Variants in TBCD observed in about 807,000 individuals in gnomAD.
The protein encoded by TBCD is tubulin folding cofactor D.
TBCD carries 105 observed loss-of-function variants against 169.3 expected under a neutral mutation model. The ratio of observed to expected loss-of-function variants is 0.62; its 90% CI spans 0.53 to 0.73. The LOEUF (loss-of-function observed/expected upper bound fraction) is 0.73. Among genes scored for constraint, TBCD ranks in the 30% least tolerant of loss-of-function variants. The probability of loss-of-function intolerance (pLI) is 0.00; values close to 1 mark genes in which losing one functional copy is unlikely to be tolerated. For synonymous variants in TBCD, 700 were observed against 643.9 expected (o/e 1.09, Z -1.32); for missense variants, 1,444 against 1,600.1 (o/e 0.90, Z 1.66).
chr17:82,830,227 C>T (rs2053355328), intron 13 of TBCD: 2 of 1,614,114 alleles, frequency 1.2e-6, no homozygotes, highest in African/African-American at 2.7e-5. Flanking sequence ...CTGGGATTTT[C>T]CAGCATCCCT....
chr17:82,894,220 T>C (rs2059335496), intron 17 of TBCD, among the ~76,000 whole-genome samples: 1 of 112,790 alleles, frequency 8.9e-6, no homozygotes, highest in Non-Finnish European at 1.9e-5. Context: ...TACAGAATTA[T>C]ATCAAACTGT....
In TBCD at chr17:82,789,489, G is replaced by A. The variant is rs1205159592; in HGVS notation, c.771+7768G>A. Among the ~76,000 whole-genome samples, 1 of 152,218 alleles carries A rather than the reference G, an allele frequency of 6.6e-6. No individual in the cohort carries two copies. Among genetic ancestry groups the A allele is most frequent in the Non-Finnish European group, 1.5e-5 (1 of 68,036 alleles). ...CTTAGATGAGGAAGAGACAGGCAGA[G>A]AGCTGGGCTGGGCTGCTGCTGAGTG... On this transcript the variant is annotated intron_variant, in intron 7 of 38. Coordinates refer to ENST00000355528, the MANE Select transcript of TBCD (RefSeq NM_005993.5). The surrounding 1 kb of genome is among the most constrained non-coding windows in gnomAD (Gnocchi z 4.8).
At chr17:82,785,899 G>A (rs965526322) in intron 7 of TBCD, among the ~76,000 whole-genome samples, 17 of 151,758 alleles carry the variant, frequency 1.1e-4, no homozygotes, top group Admixed American at 7.2e-4. Flanking sequence ...CCGACCCATC[G>A]CAGTGGGAGG....
At chr17:82,771,694 C>T (rs1468463756) in intron 5 of TBCD, among the ~76,000 whole-genome samples, 3 of 152,204 alleles carry the variant, frequency 2.0e-5, no homozygotes, top group Non-Finnish European at 4.4e-5. Flanking sequence ...GCTGGGATTA[C>T]AGGCGTGAGC....
intron 7 of TBCD, among the ~76,000 whole-genome samples, chr17:82,783,647 C>T (rs963124273): frequency 1.3e-5 from 2 of 152,186 alleles, no homozygotes; most frequent in Non-Finnish European, 2.9e-5. Flanking sequence ...CCGATGTGTC[C>T]AAGGTTCATC....
At chr17:82,771,047 CAAAAAAAAAAA>C (rs36015818) in intron 5 of TBCD, among the ~76,000 whole-genome samples, 2 of 38,692 alleles carry the variant, frequency 5.2e-5, no homozygotes, top group Non-Finnish European at 1.3e-4. Context: ...GACTCCGTCT[CAAAAAAAAAAA>C]AAAAAAAAAA....
chr17:82,914,938 T>A (rs1315441820), intron 23 of TBCD, among the ~76,000 whole-genome samples: 1 of 152,214 alleles, frequency 6.6e-6, no homozygotes, highest in East Asian at 1.9e-4. Context: ...CATCTCCCAG[T>A]CCCACATTTT....
At position 82,930,550 on chromosome 17, in the gene TBCD, A is replaced by G. The variant is rs141474186; in HGVS notation, c.3020A>G (p.Glu1007Gly). The change falls in exon 33 of 39, where the codon GAG becomes GGG. Residue 1007 changes from glutamate to glycine, a missense_variant. Transcript: ENST00000355528. The surrounding 1 kb of genome is among the most constrained non-coding windows in gnomAD (Gnocchi z 5.2). ...TIRHSTQSLF[E>G]YMKGIQSDPQ... is the part of the protein sequence containing the mutation. ...CGGCACTCCACCCAGAGCCTCTTTG[A>G]GTACATGAAGGGCATTCAGAGCGAC... The G allele has an allele frequency of 6.2e-7, 1 of 1,613,630 alleles. No individual in the cohort carries two copies. The highest frequency in any genetic ancestry group is 2.2e-5 in the East Asian group (1 of 44,852).
rs1418263600 is a variant in TBCD, at chr17:82,833,877, T to G, written c.1318+18943T>G. Reference sequence around the variant, plus strand: ...CTTTTGGATTCTTCCAGAGGGTCTCTGTGTCCCCCTTACCAGCCTCAGGTT... The same window carrying G: ...CTTTTGGATTCTTCCAGAGGGTCTCGGTGTCCCCCTTACCAGCCTCAGGTT... On this transcript the variant is annotated intron_variant, in intron 13 of 38. Coordinates refer to ENST00000355528, the MANE Select transcript of TBCD (RefSeq NM_005993.5). This position sits in a 1 kb window ranked among gnomAD's most constrained non-coding sequence, Gnocchi z 4.7. Among the ~76,000 whole-genome samples the G allele has an allele frequency of 6.6e-6, 1 of 152,158 alleles. No homozygotes were observed. The highest frequency in any genetic ancestry group is 1.5e-5 in the Non-Finnish European group (1 of 68,028).
rs534196892 is a variant in TBCD, at chr17:82,820,067, C to G, written c.1318+5133C>G. Among the ~76,000 whole-genome samples the G allele has an allele frequency of 2.0e-5, 3 of 151,882 alleles. No individual in the cohort carries two copies. In the South Asian group the frequency reaches 6.2e-4, roughly 32 times the overall value. On this transcript the variant is annotated intron_variant, in intron 13 of 38. Coordinates refer to ENST00000355528, the MANE Select transcript of TBCD (RefSeq NM_005993.5). Reference sequence around the variant, plus strand: ...CCTCTTGGCTCACTGCCAGCTCCATCTCCCAGGTTCAAGTGATTCTCATGA... The same window carrying G: ...CCTCTTGGCTCACTGCCAGCTCCATGTCCCAGGTTCAAGTGATTCTCATGA...
At position 82,752,339 on chromosome 17, in the gene TBCD, G is replaced by C. The variant is rs924349931; in HGVS notation, c.146G>C (p.Gly49Ala). 1 of 1,413,906 alleles carries C rather than the reference G, an allele frequency of 7.1e-7. No individual in the cohort carries two copies. Among genetic ancestry groups the C allele is most frequent in the African/African-American group, 1.5e-5 (1 of 65,754 alleles). The allele number at this position is 1,413,906 out of a possible 1,614,324, so 87.6% of individuals were successfully genotyped here. Residue 49 changes from glycine to alanine, a missense_variant, in exon 1 of 39, where the codon GGC (glycine) becomes GCC (alanine). Physicochemically the swap from Gly to Ala is moderately conservative, Grantham distance 60. Coordinates refer to ENST00000355528, the MANE Select transcript of TBCD (RefSeq NM_005993.5). ...GGCCGCCTGCGGGAGGTGCACGGCG[G>C]CGGCGCGGAGCGCGAGGTGGCCCTG... ...LLGRLREVHG[G>A]GAEREVALER...
In TBCD at chr17:82,890,056, C is replaced by T. The variant is rs373187415; in HGVS notation, c.1563+359C>T. On this transcript the variant is annotated intron_variant, in intron 16 of 38. Transcript: ENST00000355528. This position sits in a 1 kb window ranked among gnomAD's most constrained non-coding sequence, Gnocchi z 5.3. ...ACAGAGCAGGAGCTGGCTCTGTTGA[C>T]GTCAGCTTGTGCCTCATCCAGACCA... Among the ~76,000 whole-genome samples the T allele has an allele frequency of 2.0e-5, 3 of 152,202 alleles. No individual in the cohort carries two copies. Among genetic ancestry groups the T allele is most frequent in the Non-Finnish European group, 2.9e-5 (2 of 68,048 alleles).
rs564925476 is a variant in TBCD at position 82,869,310 on chromosome 17, A to T, written c.1319-914A>T. On this transcript the variant is annotated intron_variant, in intron 13 of 38. Coordinates refer to ENST00000355528, the MANE Select transcript of TBCD (RefSeq NM_005993.5). Reference sequence around the variant, plus strand: ...CACGTCCTAAAATCCTCTCATGTCTATGTAAAAAATCGGGTAGCCTGGGTA... The same window carrying T: ...CACGTCCTAAAATCCTCTCATGTCTTTGTAAAAAATCGGGTAGCCTGGGTA... Among the ~76,000 whole-genome samples the T allele has an allele frequency of 4.6e-5, 7 of 152,292 alleles. No individual in the cohort carries two copies. The East Asian group carries it at 1.4e-3, about 29-fold the overall frequency.
chr17:82,923,459 C>A lies in TBCD; in HGVS notation c.2179-193C>A, dbSNP rs1318176230. Among the ~76,000 whole-genome samples the A allele has an allele frequency of 6.6e-6, 1 of 151,804 alleles. No individual in the cohort carries two copies. Among genetic ancestry groups the A allele is most frequent in the African/African-American group, 2.4e-5 (1 of 41,314 alleles). Reference sequence around the variant, plus strand: ...GACCTCAAGGGTGACCTGCTGTGTCCTTGGCCGGGTGCTTCTCCAACCTCA... The same window carrying A: ...GACCTCAAGGGTGACCTGCTGTGTCATTGGCCGGGTGCTTCTCCAACCTCA... On this transcript the variant is annotated intron_variant, in intron 25 of 38. Coordinates refer to ENST00000355528, the MANE Select transcript of TBCD (RefSeq NM_005993.5). This position sits in a 1 kb window ranked among gnomAD's most constrained non-coding sequence, Gnocchi z 4.6.
intron 5 of TBCD, 28 bp downstream of exon 5, chr17:82,768,594 T>C: frequency 6.2e-7 from 1 of 1,609,054 alleles, no homozygotes; most frequent in Non-Finnish European, 8.5e-7. Flanking sequence ...AATTAGCTGC[T>C]AATTAGTACT....
chr17:82,898,646 GT>G (rs1226549651), intron 17 of TBCD, among the ~76,000 whole-genome samples: 1 of 151,138 alleles, frequency 6.6e-6, no homozygotes, highest in Non-Finnish European at 1.5e-5. Context: ...TTTCAGATTT[GT>G]TGTTTGACTT....
chr17:82,790,928 T>G (rs904067642), intron 7 of TBCD, among the ~76,000 whole-genome samples: 1 of 151,800 alleles, frequency 6.6e-6, no homozygotes, highest in African/African-American at 2.4e-5. Flanking sequence ...CAATGCCCCT[T>G]CAGGTCCCTG....
chr17:82,938,093 C>T lies in TBCD; in HGVS notation c.3326C>T (p.Ala1109Val), dbSNP rs751563583. 6.2e-7 allele frequency: 1 copy of T among 1,612,840 alleles called. No homozygotes were observed. Among genetic ancestry groups the T allele is most frequent in the Non-Finnish European group, 8.5e-7 (1 of 1,179,850 alleles). The change falls in exon 36 of 39, where the codon GCC (alanine) becomes GTC (valine). Residue 1109 changes from alanine to valine, a missense_variant. Coordinates refer to ENST00000355528, the MANE Select transcript of TBCD (RefSeq NM_005993.5). ...TTCCCCGGCGACGTGAGGAGGCAGG[C>T]CCTCCTGCAGCTGTGTCTGCTCCTC... is the stretch of plus-strand genomic sequence containing the variant. ...VQFPGDVRRQ[A>V]LLQLCLLLCH... is the part of the protein sequence containing the mutation.
At chr17:82,910,556 T>C (rs1409191052) in intron 22 of TBCD, among the ~76,000 whole-genome samples, 2 of 152,128 alleles carry the variant, frequency 1.3e-5, no homozygotes, top group Non-Finnish European at 2.9e-5. Flanking sequence ...GGTTCACTTT[T>C]CTTTTCTCTT....
Sources: allele counts gnomAD v4.1 joint callset (sites outside exome capture counted in the v4.1 genomes callset), GRCh38; gene constraint gnomAD v4.1.1; non-coding constraint Gnocchi (gnomAD v3.1); transcripts MANE v1.5; gene names NCBI Gene and HGNC (gene_info 2026-07-23, HGNC 2026-07-21).